CELSR1: variants seen among roughly 807,000 people sequenced by gnomAD.
CELSR1 encodes adhesion G protein-coupled receptor C1.
CELSR1 carries 110 observed loss-of-function variants against 249.1 expected under a neutral mutation model. That is an observed-to-expected ratio of 0.44 (90% CI 0.38 to 0.52). The LOEUF is 0.52. Among genes scored for constraint, CELSR1 ranks in the 20% least tolerant of loss-of-function variants. The probability of loss-of-function intolerance (pLI) is 0.00; values close to 1 mark genes in which losing one functional copy is unlikely to be tolerated. For missense variants in CELSR1, 4,109 were observed against 4,296.4 expected (o/e 0.96, Z 1.22); for synonymous variants, 2,113 against 1,900.0 (o/e 1.11, Z -2.92).
Position 46,390,366 on chromosome 22 carries a change from A to C in CELSR1, c.6345+26T>G. On this transcript the variant is annotated intron_variant, in intron 17 of 34. Coordinates refer to ENST00000674500, the MANE Select transcript of CELSR1 (RefSeq NM_001378328.1). The surrounding 1 kb of genome is among the most constrained non-coding windows in gnomAD (Gnocchi z 6.3). ...CACGAACACACACGTGCCCCTGCTG[A>C]ACACACATCCCCGAGGCGCCCCTAC... is the stretch of plus-strand genomic sequence containing the variant. 6.3e-7 allele frequency: 1 copy of C among 1,577,636 alleles called. No homozygotes were observed. Among genetic ancestry groups the C allele is most frequent in the Non-Finnish European group, 8.7e-7 (1 of 1,151,680 alleles).
At chr22:46,370,497 C>T (rs2078840292) in intron 25 of CELSR1, among the ~76,000 whole-genome samples, 1 of 152,148 alleles carries the variant, frequency 6.6e-6, no homozygotes, top group East Asian at 1.9e-4. Flanking sequence ...GGAAGAAATG[C>T]TCTGAAGCAC....
intron 1 of CELSR1, among the ~76,000 whole-genome samples, chr22:46,479,552 A>G (rs1298186553): frequency 7.8e-6 from 1 of 128,920 alleles, no homozygotes; most frequent in East Asian, 2.7e-4. Context: ...TCTGGGCAGG[A>G]GATGCTGGGT....
chr22:46,507,479 C>T (rs754249003), intron 1 of CELSR1, among the ~76,000 whole-genome samples: 27 of 152,114 alleles, frequency 1.8e-4, no homozygotes, highest in Admixed American at 3.3e-4. Context: ...CTCCCTCCCT[C>T]CCCGGCCTCT....
chr22:46,490,325 C>T lies in CELSR1; in HGVS notation c.3545-25980G>A, dbSNP rs2080355358. Among the ~76,000 whole-genome samples, 1 of 152,064 alleles carries T rather than the reference C, an allele frequency of 6.6e-6. No individual in the cohort carries two copies. ...TTTTTGAGACAGAGTCTCGCTCTGC[C>T]ACCCAGGCTGGAGTACAGCGGCGCA... On this transcript the variant is annotated intron_variant, in intron 1 of 34. Coordinates refer to ENST00000674500, the MANE Select transcript of CELSR1 (RefSeq NM_001378328.1). The surrounding 1 kb of genome is among the most constrained non-coding windows in gnomAD (Gnocchi z 5.2).
intron 1 of CELSR1, among the ~76,000 whole-genome samples, chr22:46,467,749 G>A (rs1194186576): frequency 6.6e-6 from 1 of 152,014 alleles, no homozygotes; most frequent in East Asian, 1.9e-4. Context: ...ATGAACCTGG[G>A]AGGCAGAGCT....
chr22:46,505,555 G>A (rs1338624820), intron 1 of CELSR1, among the ~76,000 whole-genome samples: 1 of 151,972 alleles, frequency 6.6e-6, no homozygotes, highest in Non-Finnish European at 1.5e-5. Context: ...TGAGAGTGGA[G>A]GCTGCACTGA....
Position 46,406,317 on chromosome 22 carries a change from C to T in CELSR1, c.5226+2679G>A, listed in dbSNP as rs2079265242. 6.6e-6 allele frequency among the ~76,000 whole-genome samples: 1 copy of T among 152,234 alleles called. No homozygotes were observed. The highest frequency in any genetic ancestry group is 1.5e-5 in the Non-Finnish European group (1 of 68,040). On this transcript the variant is annotated intron_variant, in intron 9 of 34. Coordinates refer to ENST00000674500, the MANE Select transcript of CELSR1 (RefSeq NM_001378328.1). This position sits in a 1 kb window ranked among gnomAD's most constrained non-coding sequence, Gnocchi z 5.4. The stretch of plus-strand genomic sequence containing the variant: ...GGAGACTCATGAAATTACAGGTTAA[C>T]AAGGGCCCACAGGCCAGCTGTAATC...
intron 5 of CELSR1, among the ~76,000 whole-genome samples, chr22:46,422,398 G>A (rs371644166): frequency 2.3e-4 from 35 of 151,610 alleles, no homozygotes; most frequent in African/African-American, 6.5e-4. Flanking sequence ...GTGAGCCACC[G>A]TGCCTGGCCC....
rs1829608327 is a variant in CELSR1, at chr22:46,506,852, C to T, written c.3544+26775G>A. Among the ~76,000 whole-genome samples the T allele has an allele frequency of 6.6e-6, 1 of 152,212 alleles. No homozygotes were observed. The highest frequency in any genetic ancestry group is 1.5e-5 in the Non-Finnish European group (1 of 68,044). On this transcript the variant is annotated intron_variant, in intron 1 of 34. Transcript: ENST00000674500. The surrounding 1 kb of genome is among the most constrained non-coding windows in gnomAD (Gnocchi z 4.1). ...TCTTCTCCACGGTCTGTCACCCGCA[C>T]CACCAGGACACAGCCTGCACACACA...
Position 46,463,692 on chromosome 22 carries a change from A to G in CELSR1, c.4183+15T>C. The G allele has an allele frequency of 6.6e-7, 1 of 1,505,180 alleles. No individual in the cohort carries two copies. The highest frequency in any genetic ancestry group is 8.9e-7 in the Non-Finnish European group (1 of 1,128,758). The allele number at this position is 1,505,180 out of a possible 1,614,324, so 93.2% of individuals were successfully genotyped here. The stretch of plus-strand genomic sequence containing the variant: ...GGGACATGTACACAAAGCCAGGGTG[A>G]GCCCGGGCACCTACCAGTGAAGTCC... On this transcript the variant is annotated intron_variant, in intron 2 of 34. Coordinates refer to ENST00000674500, the MANE Select transcript of CELSR1 (RefSeq NM_001378328.1).
chr22:46,367,247 G>A (rs904633076), intron 28 of CELSR1, 129 bp from the exon 29 acceptor site: 42 of 1,275,954 alleles, frequency 3.3e-5, no homozygotes, highest in Admixed American at 8.0e-5. Flanking sequence ...CCCAGGACAC[G>A]GCCAGGCCTC....
rs74756314 is a variant in CELSR1, at chr22:46,427,661, G to A, written c.4611+5732C>T. 0.016 allele frequency among the ~76,000 whole-genome samples: 2,408 copies of A among 152,288 alleles called. 37 individuals are homozygous for A. The highest frequency in any genetic ancestry group is 0.025 in the Non-Finnish European group (1,678 of 68,018). The stretch of plus-strand genomic sequence containing the variant: ...TGTTGGCAATGGTTGTTGACGTTCC[G>A]CTGTCGGAGGACCTTATATTCTATT... On this transcript the variant is annotated intron_variant, in intron 5 of 34. Transcript: ENST00000674500. The surrounding 1 kb of genome is among the most constrained non-coding windows in gnomAD (Gnocchi z 4.2).
chr22:46,430,537 C>T lies in CELSR1; in HGVS notation c.4611+2856G>A, dbSNP rs921624885. On this transcript the variant is annotated intron_variant, in intron 5 of 34. Transcript: ENST00000674500. The surrounding 1 kb of genome is among the most constrained non-coding windows in gnomAD (Gnocchi z 4.6). ...GGTCATGGCCCTGGACACCCCTCAT[C>T]GTCCAGCCCCAACGCCTCCTCCTCC... Among the ~76,000 whole-genome samples the T allele has an allele frequency of 6.6e-6, 1 of 152,126 alleles. No homozygotes were observed. Among genetic ancestry groups the T allele is most frequent in the Non-Finnish European group, 1.5e-5 (1 of 68,024 alleles).
At chr22:46,521,739 C>T (rs1440880214) in intron 1 of CELSR1, among the ~76,000 whole-genome samples, 3 of 151,998 alleles carry the variant, frequency 2.0e-5, no homozygotes, top group African/African-American at 7.3e-5. Context: ...ATCGCTTGAA[C>T]CCAGGAGGTA....
At chr22:46,529,561 G>A (rs1390740772) in intron 1 of CELSR1, among the ~76,000 whole-genome samples, 2 of 152,120 alleles carry the variant, frequency 1.3e-5, no homozygotes, top group African/African-American at 4.8e-5. Flanking sequence ...CCAGCCCTTT[G>A]GGAGGCCAAG....
chr22:46,377,050 AG>A lies in CELSR1; in HGVS notation c.7584+10del, dbSNP rs766533739. ...GCCCAGACAGTGGGGAGGGGAGCAG[AG>A]TGGCCATACCGGGTTTTCCGTCTGG... On this transcript the variant is annotated intron_variant, in intron 24 of 34. Coordinates refer to ENST00000674500, the MANE Select transcript of CELSR1 (RefSeq NM_001378328.1). 64 of 1,611,856 alleles carry A rather than the reference AG, an allele frequency of 4.0e-5. No homozygotes were observed. Among genetic ancestry groups the A allele is most frequent in the Non-Finnish European group, 4.7e-5 (55 of 1,179,720 alleles).
rs1246726700 is a variant in CELSR1, at chr22:46,440,093, T to C, written c.4184-682A>G. 6.6e-6 allele frequency among the ~76,000 whole-genome samples: 1 copy of C among 152,030 alleles called. No individual in the cohort carries two copies. Among genetic ancestry groups the C allele is most frequent in the Admixed American group, 6.6e-5 (1 of 15,264 alleles). ...TTTAAACTCTTTTGTGACAGGAAGGTTCTGGAAGCTTTCCCAGAAAACCAG... is the reference window on the plus strand; with the variant it reads ...TTTAAACTCTTTTGTGACAGGAAGGCTCTGGAAGCTTTCCCAGAAAACCAG... On this transcript the variant is annotated intron_variant, in intron 2 of 34. Coordinates refer to ENST00000674500, the MANE Select transcript of CELSR1 (RefSeq NM_001378328.1). This position sits in a 1 kb window ranked among gnomAD's most constrained non-coding sequence, Gnocchi z 4.7.
rs2078897684 is a variant in CELSR1 at position 46,374,637 on chromosome 22, C to G, written c.7585-1580G>C. Among the ~76,000 whole-genome samples the G allele has an allele frequency of 6.6e-6, 1 of 152,164 alleles. No individual in the cohort carries two copies. On this transcript the variant is annotated intron_variant, in intron 24 of 34. Coordinates refer to ENST00000674500, the MANE Select transcript of CELSR1 (RefSeq NM_001378328.1). The surrounding 1 kb of genome is among the most constrained non-coding windows in gnomAD (Gnocchi z 4.3). ...ACGAGTCAGTGTGGGAACCCAGGGGCCGCCTCAGTTTCGCTGGGGTGTTGA... is the reference window on the plus strand; with the variant it reads ...ACGAGTCAGTGTGGGAACCCAGGGGGCGCCTCAGTTTCGCTGGGGTGTTGA...
chr22:46,445,703 G>A lies in CELSR1; in HGVS notation c.4184-6292C>T, dbSNP rs1247074007. 3.9e-5 allele frequency among the ~76,000 whole-genome samples: 6 copies of A among 152,172 alleles called. No homozygotes were observed. The highest frequency in any genetic ancestry group is 1.2e-4 in the African/African-American group (5 of 41,436). ...CCGTGTTTGTCCTGGAATTGCAATC[G>A]CGTACATTCTAGCCTCTGCAAACCC... On this transcript the variant is annotated intron_variant, in intron 2 of 34. Transcript: ENST00000674500. This position sits in a 1 kb window ranked among gnomAD's most constrained non-coding sequence, Gnocchi z 4.4.
Sources: gnomAD v4.1 joint callset for allele counts (sites outside exome capture counted in the v4.1 genomes callset) on GRCh38, gnomAD v4.1.1 for gene constraint, Gnocchi (gnomAD v3.1) non-coding constraint, MANE v1.5 for transcripts, NCBI Gene and HGNC (gene_info 2026-07-23, HGNC 2026-07-21) for gene names.